Variants in DHRSX observed in about 807,000 individuals in gnomAD.
The protein encoded by DHRSX is dehydrogenase/reductase X-linked.
A neutral mutation model predicts 34.0 loss-of-function variants in DHRSX; 31 were observed. The ratio of observed to expected loss-of-function variants is 0.91; its 90% CI spans 0.69 to 1.23. DHRSX has a LOEUF of 1.23. Ranked by LOEUF, DHRSX falls within the 50% of genes most tolerant of loss-of-function variation. The pLI is 0.00. For missense variants in DHRSX, 414 were observed against 428.1 expected, an observed-to-expected ratio of 0.97 and a Z score of 0.29; for synonymous variants, 201 against 183.8, an observed-to-expected ratio of 1.09 and a Z score of -0.76.
intron 1 of DHRSX, among the ~76,000 whole-genome samples, chrX:2,442,279 G>A (rs2044072768): frequency 6.6e-6 from 1 of 151,650 alleles, no homozygotes; most frequent in South Asian, 2.1e-4. Context: ...AGCTGAGGAG[G>A]AGGAGGAGGA....
intron 3 of DHRSX, among the ~76,000 whole-genome samples, chrX:2,320,167 A>G (rs1049042850): frequency 6.6e-6 from 1 of 151,730 alleles, no homozygotes; most frequent in African/African-American, 2.4e-5. Context: ...AAATATATAC[A>G]TTTACATCTC....
intron 2 of DHRSX, 55 bp downstream of exon 2, chrX:2,425,142 G>GAAAAAAA: frequency 8.2e-7 from 1 of 1,224,980 alleles, no homozygotes; most frequent in Non-Finnish European, 1.2e-6. Flanking sequence ...TCCTGTCTCA[G>GAAAAAAA]AAAAAAAAAA....
chrX:2,483,700 C>G (rs1331532767), intron 1 of DHRSX, among the ~76,000 whole-genome samples: 1 of 151,332 alleles, frequency 6.6e-6, no homozygotes, highest in African/African-American at 2.4e-5. Flanking sequence ...AAACACAGAG[C>G]CCAGAGTGTG....
At chrX:2,265,943 C>T (rs865973760) in intron 5 of DHRSX, among the ~76,000 whole-genome samples, 2 of 123,502 alleles carry the variant, frequency 1.6e-5, no homozygotes, top group Admixed American at 7.8e-5. Context: ...GGAGCACTGT[C>T]CCCAGAGCAC....
intron 1 of DHRSX, among the ~76,000 whole-genome samples, chrX:2,497,462 A>C (rs1420512305): frequency 6.6e-6 from 1 of 152,202 alleles, no homozygotes; most frequent in Non-Finnish European, 1.5e-5. Flanking sequence ...GCCACTGTTC[A>C]CTACTCATAA....
At chrX:2,241,355 G>A (rs1213719343) in intron 6 of DHRSX, among the ~76,000 whole-genome samples, 1 of 152,150 alleles carries the variant, frequency 6.6e-6, no homozygotes, top group African/African-American at 2.4e-5. Flanking sequence ...CTGAACTGAA[G>A]AAGCCTCAAG....
chrX:2,315,278 C>T (rs2042229121), intron 3 of DHRSX, among the ~76,000 whole-genome samples: 2 of 152,044 alleles, frequency 1.3e-5, no homozygotes, highest in Admixed American at 1.3e-4. Context: ...GAGGTTTGAC[C>T]TAAGTGCACC....
chrX:2,239,936 A>C (rs2016101949), intron 6 of DHRSX, among the ~76,000 whole-genome samples: 1 of 152,194 alleles, frequency 6.6e-6, no homozygotes, highest in Admixed American at 6.6e-5. Flanking sequence ...TAATATTTTG[A>C]AATTCCTTTG....
At chrX:2,455,759 A>C (rs1207367834) in intron 1 of DHRSX, among the ~76,000 whole-genome samples, 17 of 151,712 alleles carry the variant, frequency 1.1e-4, no homozygotes, top group African/African-American at 3.1e-4. Context: ...AAAAAAAAAA[A>C]AACAATAAAA....
chrX:2,433,456 A>G (rs1358357711), intron 1 of DHRSX, among the ~76,000 whole-genome samples: 1 of 151,860 alleles, frequency 6.6e-6, no homozygotes, highest in Admixed American at 6.6e-5. Flanking sequence ...TTACATAGGT[A>G]TACATGTGCC....
intron 1 of DHRSX, among the ~76,000 whole-genome samples, chrX:2,485,848 GAGAA>G (rs1324382828): frequency 1.3e-4 from 13 of 100,536 alleles, no homozygotes; most frequent in African/African-American, 1.8e-4. Flanking sequence ...AAGGAAGGGA[GAGAA>G]AGAAAGAAGG....
intron 5 of DHRSX, among the ~76,000 whole-genome samples, chrX:2,255,343 G>A (rs1371082858): frequency 2.0e-5 from 3 of 152,102 alleles, no homozygotes; most frequent in Non-Finnish European, 4.4e-5. Context: ...ACATATCTCA[G>A]AACACAGGGG....
intron 5 of DHRSX, among the ~76,000 whole-genome samples, chrX:2,248,613 C>CAAAAAAAAAAAAAAAAAAAA (rs1357827255): frequency 5.7e-5 from 1 of 17,526 alleles, no homozygotes; most frequent in African/African-American, 1.4e-4. Flanking sequence ...GACTCTGTCT[C>CAAAAAAAAAAAAAAAAAAAA]AAAAAAAAAA....
At chrX:2,459,308 A>G (rs1239447855) in intron 1 of DHRSX, among the ~76,000 whole-genome samples, 1 of 151,782 alleles carries the variant, frequency 6.6e-6, no homozygotes, top group Non-Finnish European at 1.5e-5. Context: ...AAGTGAGGTG[A>G]TATAGGTTAG....
At chrX:2,461,295 AG>A (rs1424521415) in intron 1 of DHRSX, among the ~76,000 whole-genome samples, 19 of 152,248 alleles carry the variant, frequency 1.2e-4, no homozygotes, top group Non-Finnish European at 2.8e-4. Flanking sequence ...GCTAAAAGCC[AG>A]TTGGAGCCTG....
At chrX:2,485,305 G>GA (rs1337906154) in intron 1 of DHRSX, among the ~76,000 whole-genome samples, 3 of 152,034 alleles carry the variant, frequency 2.0e-5, no homozygotes, top group African/African-American at 7.2e-5. Flanking sequence ...TATGAGGACT[G>GA]AAAATGAACC....
intron 3 of DHRSX, among the ~76,000 whole-genome samples, chrX:2,363,225 G>A (rs1603008762): frequency 1.1e-5 from 1 of 91,346 alleles, no homozygotes; most frequent in Non-Finnish European, 2.3e-5. Context: ...CCGTTCTATG[G>A]TATCATGCCA....
Position 2,399,736 on chromosome X carries a change from A to C in DHRSX, c.286+9009T>G, listed in dbSNP as rs1404010290. 3.5e-5 allele frequency among the ~76,000 whole-genome samples: 5 copies of C among 143,302 alleles called. No homozygotes were observed. In the East Asian group the frequency reaches 6.2e-4, roughly 18 times the overall value. 94.0% of individuals were successfully genotyped at this position (143,302 alleles called of 152,430 possible). On this transcript the variant is annotated intron_variant, in intron 3 of 6. Coordinates refer to ENST00000334651, the MANE Select transcript of DHRSX (RefSeq NM_145177.3). Reference sequence around the variant, plus strand: ...AAACAAACAAAAAGCAAAAAAAAAAAAAAAAACAAAAAAACACAGGGGCTG... The same window carrying C: ...AAACAAACAAAAAGCAAAAAAAAAACAAAAAACAAAAAAACACAGGGGCTG...
intron 4 of DHRSX, among the ~76,000 whole-genome samples, chrX:2,274,352 A>G (rs771813581): frequency 3.4e-4 from 50 of 147,552 alleles, no homozygotes; most frequent in African/African-American, 1.2e-3. Flanking sequence ...TAATATTATT[A>G]TTTTTTTGGA....
Sources: gnomAD v4.1 joint callset for allele counts (sites outside exome capture counted in the v4.1 genomes callset) on GRCh38, gnomAD v4.1.1 for gene constraint, MANE v1.5 for transcripts, NCBI Gene and HGNC (gene_info 2026-07-23, HGNC 2026-07-21) for gene names.